Variants in MYCT1 observed in about 807,000 individuals in gnomAD.
MYCT1 encodes myc target protein 1.
Under a neutral mutation model 15.0 loss-of-function variants are expected in MYCT1, and 12 were observed. The observed-to-expected ratio is 0.80, with a 90% CI of 0.51 to 1.29. The LOEUF is 1.29. MYCT1 is among the 50% of genes most tolerant of loss of function. The pLI is 0.00. For missense variants in MYCT1, 287 were observed against 279.1 expected (o/e 1.03, Z -0.20); for synonymous variants, 104 against 102.7 (o/e 1.01, Z -0.07).
At chr6:152,736,236 C>A in the MYCT1 span, among the ~76,000 whole-genome samples, 1 of 152,150 alleles carries the variant, frequency 6.6e-6, no homozygotes, top group South Asian at 2.1e-4. Context: ...GATTTTAGGT[C>A]CTAACAATAT....
the MYCT1 span, among the ~76,000 whole-genome samples, chr6:152,737,799 C>A: frequency 8.8e-4 from 134 of 152,240 alleles, 3 homozygotes; most frequent in African/African-American, 3.1e-3. Context: ...GCATCCAGAG[C>A]AGCTAATATA....
At chr6:152,712,970 G>A (rs898480218) in intron 1 of MYCT1, among the ~76,000 whole-genome samples, 4 of 151,856 alleles carry the variant, frequency 2.6e-5, no homozygotes, top group African/African-American at 9.7e-5. Context: ...AAAAATTTCA[G>A]CCTCATTTAT....
At chr6:152,701,591 G>C (rs2099721330) in intron 1 of MYCT1, among the ~76,000 whole-genome samples, 1 of 151,956 alleles carries the variant, frequency 6.6e-6, no homozygotes, top group African/African-American at 2.4e-5. Context: ...GAGGGGTGGA[G>C]GGGTTATATA....
the MYCT1 span, among the ~76,000 whole-genome samples, chr6:152,741,896 T>C: frequency 6.6e-6 from 1 of 152,156 alleles, no homozygotes; most frequent in African/African-American, 2.4e-5. Context: ...GTAATAGCCA[T>C]CCTGTACAAA....
rs2099720712 is a variant in MYCT1 at position 152,698,066 on chromosome 6, GT to G, written c.167del (p.Leu56Ter). On this transcript the variant is annotated frameshift_variant, in exon 1 of 2. Transcript: ENST00000367245. LOFTEE classifies it high-confidence loss of function. Reference sequence around the variant, plus strand: ...GATATTATGGCTAATAACACAACAAGTTTAGGGAGTCCATGGCCAGAAAACT... The same window carrying G: ...GATATTATGGCTAATAACACAACAAGTTAGGGAGTCCATGGCCAGAAAACT... ...LVDIMANNTT[S>X]LGSPWPENFW... 6.3e-7 allele frequency: 1 copy of G among 1,586,146 alleles called. No homozygotes were observed. The highest frequency in any genetic ancestry group is 1.9e-5 in the Admixed American group (1 of 52,674).
At chr6:152,746,046 C>A in the MYCT1 span, among the ~76,000 whole-genome samples, 1 of 152,172 alleles carries the variant, frequency 6.6e-6, no homozygotes, top group Non-Finnish European at 1.5e-5. Flanking sequence ...TCTTCCCTGG[C>A]CTGTGGAGAA....
chr6:152,719,908 G>A (rs1299788226), intron 1 of MYCT1, among the ~76,000 whole-genome samples: 1 of 152,084 alleles, frequency 6.6e-6, no homozygotes, highest in Non-Finnish European at 1.5e-5. Context: ...AAACATATTA[G>A]GAACAGAGCT....
the MYCT1 span, among the ~76,000 whole-genome samples, chr6:152,732,537 T>C: frequency 6.6e-6 from 1 of 152,172 alleles, no homozygotes; most frequent in African/African-American, 2.4e-5. Flanking sequence ...TACATAAATA[T>C]GTAAAAATAT....
At chr6:152,728,423 CA>C (rs1381117838), downstream of MYCT1, among the ~76,000 whole-genome samples, 3 of 151,960 alleles carry the variant, frequency 2.0e-5, no homozygotes, top group Non-Finnish European at 4.4e-5. Context: ...AAAAAATTCA[CA>C]AAATGCATGA....
the MYCT1 span, among the ~76,000 whole-genome samples, chr6:152,744,717 CT>C: frequency 6.6e-6 from 1 of 152,202 alleles, no homozygotes; most frequent in Non-Finnish European, 1.5e-5. Flanking sequence ...CAGCACGTCT[CT>C]TTTGCTGAGC....
chr6:152,727,511 G>A (rs2099725870), downstream of MYCT1, among the ~76,000 whole-genome samples: 1 of 152,196 alleles, frequency 6.6e-6, no homozygotes, highest in Admixed American at 6.5e-5. Flanking sequence ...GAATATTGTA[G>A]CTATAGCTTG....
intron 1 of MYCT1, among the ~76,000 whole-genome samples, chr6:152,716,722 C>G (rs1158653214): frequency 6.6e-6 from 1 of 152,140 alleles, no homozygotes; most frequent in East Asian, 1.9e-4. Context: ...GTGCCATCTA[C>G]TTGCTAGTTT....
downstream of MYCT1, among the ~76,000 whole-genome samples, chr6:152,727,043 C>G (rs551816224): frequency 2.0e-5 from 3 of 152,092 alleles, no homozygotes; most frequent in African/African-American, 7.2e-5. Context: ...AACCTTGTCT[C>G]TACTAAAAAT....
the MYCT1 span, among the ~76,000 whole-genome samples, chr6:152,745,105 G>A: frequency 1.3e-5 from 2 of 152,100 alleles, no homozygotes; most frequent in Admixed American, 6.5e-5. Context: ...TCCATTCTAG[G>A]ACAAATCTCA....
intron 1 of MYCT1, among the ~76,000 whole-genome samples, chr6:152,717,441 T>C (rs572819046): frequency 6.6e-6 from 1 of 152,200 alleles, no homozygotes; most frequent in African/African-American, 2.4e-5. Context: ...AAATCTCATT[T>C]TGAATTCCCA....
Position 152,722,179 on chromosome 6 carries a change from A to T in MYCT1, c.634A>T (p.Ser212Cys), listed in dbSNP as rs539108880. Residue 212 changes from serine (S) to cysteine (C), a missense_variant, in exon 2 of 2, where the codon AGT becomes TGT. Coordinates refer to ENST00000367245, the MANE Select transcript of MYCT1 (RefSeq NM_025107.3). Reference sequence around the variant, plus strand: ...CCGTCCTGACTACTGGTCCAGTAACAGTCTTCGAGTGGGCCTTTCAACACC... The same window carrying T: ...CCGTCCTGACTACTGGTCCAGTAACTGTCTTCGAGTGGGCCTTTCAACACC... ...LSRPDYWSSN[S>C]LRVGLSTPPP... The T allele has an allele frequency of 3.1e-6, 5 of 1,614,030 alleles. No homozygotes were observed. The highest frequency in any genetic ancestry group is 4.2e-6 in the Non-Finnish European group (5 of 1,180,024).
At chr6:152,728,231 G>A (rs918804075), downstream of MYCT1, among the ~76,000 whole-genome samples, 2 of 151,744 alleles carry the variant, frequency 1.3e-5, no homozygotes, top group African/African-American at 4.8e-5. Context: ...TAGAGAACAA[G>A]AGGGCTGAAA....
rs1297927220 is a variant in MYCT1, at chr6:152,722,017, A to G, written c.472A>G (p.Arg158Gly). 4.3e-6 allele frequency: 7 copies of G among 1,614,066 alleles called. No homozygotes were observed. Among genetic ancestry groups the G allele is most frequent in the Non-Finnish European group, 5.9e-6 (7 of 1,180,052 alleles). Residue 158 changes from arginine (R) to glycine (G), a missense_variant, in exon 2 of 2, where the codon AGA becomes GGA. By Grantham distance (125) the Arg-to-Gly change is moderately radical. Coordinates refer to ENST00000367245, the MANE Select transcript of MYCT1 (RefSeq NM_025107.3). ...CCTGGAACAAGCAAATTCCTTTCCA[A>G]GAAAATCAAGTTTCAGAGCTTCTAC... ...ASLEQANSFP[R>G]KSSFRASTFH...
the MYCT1 span, among the ~76,000 whole-genome samples, chr6:152,745,308 T>C: frequency 6.6e-6 from 1 of 152,066 alleles, no homozygotes; most frequent in Non-Finnish European, 1.5e-5. Context: ...TTTAAAAATG[T>C]TTACCTCTGC....
Sources: allele counts gnomAD v4.1 joint callset (sites outside exome capture counted in the v4.1 genomes callset), GRCh38; gene constraint gnomAD v4.1.1; transcripts MANE v1.5; gene names NCBI Gene and HGNC (gene_info 2026-07-23, HGNC 2026-07-21).